Variants in FOXP2 observed in about 807,000 individuals in gnomAD.
FOXP2 encodes the protein forkhead box protein P2.
In FOXP2, 12 loss-of-function variants were observed where a neutral mutation model predicts 115.8. That is an observed-to-expected ratio of 0.10 (90% CI 0.07 to 0.17). The LOEUF is 0.17. Ranked by LOEUF, FOXP2 falls within the 10% of genes least tolerant of loss-of-function variation. FOXP2 has a pLI of 1.00. For missense variants in FOXP2, 629 were observed against 843.5 expected (o/e 0.75, Z 3.15); for synonymous variants, 328 against 297.7 (o/e 1.10, Z -1.05).
intron 1 of FOXP2, among the ~76,000 whole-genome samples, chr7:114,183,430 A>G (rs1793509268): frequency 6.6e-6 from 1 of 152,184 alleles, no homozygotes; most frequent in Non-Finnish European, 1.5e-5. Context: ...CAACTAGCAT[A>G]TTAAGCAATT....
At chr7:114,522,030 T>C (rs1798648648) in intron 2 of FOXP2, among the ~76,000 whole-genome samples, 1 of 152,230 alleles carries the variant, frequency 6.6e-6, no homozygotes, top group Non-Finnish European at 1.5e-5. Flanking sequence ...TGCCAGCTAC[T>C]ATGCTGTGCA....
chr7:114,433,568 G>A (rs1794207157), intron 2 of FOXP2, among the ~76,000 whole-genome samples: 1 of 151,794 alleles, frequency 6.6e-6, no homozygotes, highest in African/African-American at 2.4e-5. Flanking sequence ...TTTTGTATTA[G>A]TTTTTATTTA....
At chr7:114,658,815 C>T (rs1806722759) in intron 11 of FOXP2, among the ~76,000 whole-genome samples, 1 of 152,136 alleles carries the variant, frequency 6.6e-6, no homozygotes, top group African/African-American at 2.4e-5. Flanking sequence ...TACCCTTCTC[C>T]CTTCTCCCTT....
In FOXP2 at chr7:114,477,388, G is replaced by A. The variant is rs563957360; in HGVS notation, c.168+50709G>A. Among the ~76,000 whole-genome samples, 3 of 151,970 alleles carry A rather than the reference G, an allele frequency of 2.0e-5. No homozygotes were observed. The South Asian group carries it at 6.2e-4, about 31-fold the overall frequency. On this transcript the variant is annotated intron_variant, in intron 2 of 16. Coordinates refer to ENST00000350908, the MANE Select transcript of FOXP2 (RefSeq NM_014491.4). ...ATGTAGCTAGAGGCCATAGTCCTAA[G>A]CAAATTAACACAGCAACAGAAAACT...
chr7:114,404,956 G>A (rs1013460958), intron 2 of FOXP2, among the ~76,000 whole-genome samples: 2 of 151,766 alleles, frequency 1.3e-5, no homozygotes, highest in African/African-American at 4.8e-5. Context: ...AACTTAAAAG[G>A]TCCTTTTCTG....
intron 1 of FOXP2, among the ~76,000 whole-genome samples, chr7:114,169,255 A>G (rs905309523): frequency 6.6e-6 from 1 of 152,198 alleles, no homozygotes; most frequent in African/African-American, 2.4e-5. Flanking sequence ...CAGTCACTCA[A>G]TGCCAGCTGG....
chr7:114,179,976 TGG>T (rs970081316), intron 1 of FOXP2, among the ~76,000 whole-genome samples: 1 of 151,816 alleles, frequency 6.6e-6, no homozygotes, highest in African/African-American at 2.4e-5. Context: ...TTCTACAAGG[TGG>T]GGGATTGAAT....
At chr7:114,294,700 G>T (rs114158911) in intron 2 of FOXP2, among the ~76,000 whole-genome samples, 5,997 of 151,994 alleles carry the variant, frequency 0.039, 290 homozygotes, top group African/African-American at 0.12. Context: ...AATCAGCTGG[G>T]CATGATGGTG....
At chr7:114,152,708 C>G (rs978111721) in intron 1 of FOXP2, among the ~76,000 whole-genome samples, 1 of 151,970 alleles carries the variant, frequency 6.6e-6, no homozygotes. Flanking sequence ...GAAGACTGCC[C>G]GTGATTTGGA....
At chr7:114,445,940 G>A (rs1005663891) in intron 2 of FOXP2, among the ~76,000 whole-genome samples, 7 of 152,066 alleles carry the variant, frequency 4.6e-5, no homozygotes, top group African/African-American at 1.7e-4. Flanking sequence ...AGAACTATGT[G>A]TGTGACAATG....
At chr7:114,119,990 CTA>C (rs946652725) in intron 1 of FOXP2, among the ~76,000 whole-genome samples, 9 of 152,054 alleles carry the variant, frequency 5.9e-5, no homozygotes, top group Admixed American at 1.3e-4. Flanking sequence ...TAGTACATAC[CTA>C]TATTCTTATT....
chr7:114,351,123 A>G (rs2129185802), intron 2 of FOXP2, among the ~76,000 whole-genome samples: 1 of 152,312 alleles, frequency 6.6e-6, no homozygotes, highest in Admixed American at 6.5e-5. Flanking sequence ...TGAATCCATA[A>G]GTGCAGAACC....
chr7:114,595,897 G>C (rs751550905), intron 3 of FOXP2, among the ~76,000 whole-genome samples: 1 of 151,950 alleles, frequency 6.6e-6, no homozygotes, highest in Admixed American at 6.6e-5. Context: ...GTTTGAAGGA[G>C]TTTACCATAA....
chr7:114,199,377 A>G (rs1441778271), intron 1 of FOXP2, among the ~76,000 whole-genome samples: 5 of 152,156 alleles, frequency 3.3e-5, no homozygotes, highest in African/African-American at 1.2e-4. Flanking sequence ...TTATGAAAAT[A>G]ATATAAAATA....
Position 114,690,744 on chromosome 7 carries a change from G to A in FOXP2, c.*818G>A. On this transcript the variant is annotated 3_prime_UTR_variant, in exon 17 of 17. Transcript: ENST00000350908. Reference sequence around the variant, plus strand: ...GCAAACACAGTCAAAGGCTACAGCTGCAAACCAAAGCCAACTCTAACCATG... The same window carrying A: ...GCAAACACAGTCAAAGGCTACAGCTACAAACCAAAGCCAACTCTAACCATG... 1 of 454,484 alleles carries A rather than the reference G, an allele frequency of 2.2e-6. No individual in the cohort carries two copies. The highest frequency in any genetic ancestry group is 4.4e-6 in the Non-Finnish European group (1 of 226,776). 28.2% of individuals were successfully genotyped at this position (454,484 alleles called of 1,614,324 possible). A position where few individuals can be genotyped will look rare whatever the true frequency, so the allele number is the denominator to read the frequency against.
In FOXP2 at chr7:114,324,454, T is replaced by A. The variant is rs181614160; in HGVS notation, c.-11+36345T>A. Among the ~76,000 whole-genome samples the A allele has an allele frequency of 1.9e-3, 296 of 151,926 alleles. 11 individuals carry two copies. Among genetic ancestry groups the A allele is most frequent in the Admixed American group, 0.018 (280 of 15,262 alleles). On this transcript the variant is annotated intron_variant, in intron 2 of 17. Coordinates refer to the FOXP2 transcript ENST00000634411. ...TTTTACTTCTTCAAGGAAATTTGTG[T>A]TTATATTTTGTCAGGCCTCTCTCTT... is the stretch of plus-strand genomic sequence containing the variant.
chr7:114,429,223 G>A (rs1793999800), intron 2 of FOXP2, among the ~76,000 whole-genome samples: 1 of 151,322 alleles, frequency 6.6e-6, no homozygotes, highest in South Asian at 2.1e-4. Flanking sequence ...AAGTGAAAAA[G>A]GATTGATAAA....
At chr7:114,543,001 C>T (rs899466585) in intron 3 of FOXP2, among the ~76,000 whole-genome samples, 1 of 151,750 alleles carries the variant, frequency 6.6e-6, no homozygotes, top group East Asian at 1.9e-4. Flanking sequence ...CTGTTGGCCT[C>T]GAACTCCTGA....
chr7:114,368,524 C>T (rs1047956656), intron 2 of FOXP2, among the ~76,000 whole-genome samples: 1 of 152,298 alleles, frequency 6.6e-6, no homozygotes, highest in South Asian at 2.1e-4. Context: ...AGAGCCTTAA[C>T]CATGGGTGTT....
Sources: allele counts gnomAD v4.1 joint callset (sites outside exome capture counted in the v4.1 genomes callset), GRCh38; gene constraint gnomAD v4.1.1; transcripts MANE v1.5; gene names NCBI Gene and HGNC (gene_info 2026-07-23, HGNC 2026-07-21).